Variants in TMEFF2 observed in about 807,000 individuals in gnomAD.
The protein encoded by TMEFF2 is transmembrane protein with EGF like and two follistatin like domains 2.
In TMEFF2, 28 loss-of-function variants were observed where a neutral mutation model predicts 53.8. The observed-to-expected ratio is 0.52, with a 90% CI of 0.39 to 0.71. The LOEUF (loss-of-function observed/expected upper bound fraction) is 0.71, where lower values mean the gene tolerates loss of function less well. Ranked by LOEUF, TMEFF2 falls within the 30% of genes least tolerant of loss-of-function variation. The pLI, the probability that TMEFF2 is intolerant of heterozygous loss-of-function variation, is 0.00. For synonymous variants in TMEFF2, 162 were observed against 166.3 expected (o/e 0.97, Z 0.20); for missense variants, 353 against 455.2 (o/e 0.78, Z 2.04).
chr2:192,117,673 C>A (rs776056319), intron 4 of TMEFF2, among the ~76,000 whole-genome samples: 36 of 152,036 alleles, frequency 2.4e-4, no homozygotes, highest in Non-Finnish European at 4.3e-4. Context: ...CCCCACCCCC[C>A]ACTTTTCTGC....
intron 7 of TMEFF2, among the ~76,000 whole-genome samples, chr2:191,975,481 T>C (rs975815125): frequency 6.6e-6 from 1 of 151,456 alleles, no homozygotes; most frequent in Non-Finnish European, 1.5e-5. Flanking sequence ...GGAAAATAGT[T>C]TCTCCAGTTC....
At chr2:192,014,622 T>G (rs1186437462) in intron 5 of TMEFF2, among the ~76,000 whole-genome samples, 2 of 152,234 alleles carry the variant, frequency 1.3e-5, no homozygotes, top group African/African-American at 4.8e-5. Flanking sequence ...CAGTTTCTTC[T>G]TTAGGCAATT....
At chr2:191,974,686 T>C (rs935775815) in intron 7 of TMEFF2, among the ~76,000 whole-genome samples, 1 of 152,176 alleles carries the variant, frequency 6.6e-6, no homozygotes, top group African/African-American at 2.4e-5. Context: ...TTTTTTTTAA[T>C]TGTAAGCTTA....
chr2:192,135,178 C>T (rs572349371), intron 4 of TMEFF2, among the ~76,000 whole-genome samples: 1 of 152,260 alleles, frequency 6.6e-6, no homozygotes, highest in South Asian at 2.1e-4. Context: ...TCATATATGC[C>T]CTGCTCTTGT....
chr2:192,189,559 A>AAAAAAAAAAAAAAAAAAG (rs1691409346), intron 2 of TMEFF2, among the ~76,000 whole-genome samples: 1 of 149,438 alleles, frequency 6.7e-6, no homozygotes, highest in Non-Finnish European at 1.5e-5. Flanking sequence ...AAATTCCAAA[A>AAAAAAAAAAAAAAAAAAG]AAAAAAAAAG....
chr2:192,172,350 T>C (rs1690936961), intron 4 of TMEFF2, among the ~76,000 whole-genome samples: 1 of 151,860 alleles, frequency 6.6e-6, no homozygotes. Flanking sequence ...CTGCATACCA[T>C]GCCAGGGTCA....
chr2:192,128,686 T>A (rs1689737217), intron 4 of TMEFF2, among the ~76,000 whole-genome samples: 1 of 152,192 alleles, frequency 6.6e-6, no homozygotes, highest in South Asian at 2.1e-4. Flanking sequence ...TATAATATGT[T>A]AATCTTTAAA....
intron 4 of TMEFF2, among the ~76,000 whole-genome samples, chr2:192,122,403 G>A (rs899465021): frequency 3.3e-5 from 5 of 152,204 alleles, no homozygotes; most frequent in Admixed American, 6.5e-5. Flanking sequence ...CTCTGCCAAT[G>A]TAGAAGCTTT....
chr2:192,018,945 A>G (rs1486491358), intron 5 of TMEFF2, among the ~76,000 whole-genome samples: 6 of 152,214 alleles, frequency 3.9e-5, no homozygotes, highest in African/African-American at 1.4e-4. Flanking sequence ...CCACAATCAT[A>G]TTAATATTAT....
intron 7 of TMEFF2, among the ~76,000 whole-genome samples, chr2:191,983,689 C>T (rs1685909721): frequency 6.6e-6 from 1 of 152,130 alleles, no homozygotes; most frequent in Non-Finnish European, 1.5e-5. Flanking sequence ...ACAAAAGTGA[C>T]AGCAAACTGT....
chr2:192,072,564 G>A (rs1012797747), intron 4 of TMEFF2, among the ~76,000 whole-genome samples: 24 of 88,198 alleles, frequency 2.7e-4, no homozygotes, highest in East Asian at 1.4e-3. Context: ...ATGCATATTC[G>A]TATTTTTAGA....
intron 4 of TMEFF2, among the ~76,000 whole-genome samples, chr2:192,116,092 T>C (rs999614907): frequency 1.3e-5 from 2 of 150,732 alleles, no homozygotes; most frequent in Non-Finnish European, 2.9e-5. Context: ...GAAGTGTCCA[T>C]CAACAGGTGA....
chr2:191,971,314 T>C (rs572562705), intron 7 of TMEFF2, among the ~76,000 whole-genome samples: 1 of 152,318 alleles, frequency 6.6e-6, no homozygotes, highest in East Asian at 1.9e-4. Flanking sequence ...AAGAAATCAA[T>C]AGGGGTTATA....
intron 4 of TMEFF2, among the ~76,000 whole-genome samples, chr2:192,090,097 T>C (rs1328471467): frequency 6.6e-6 from 1 of 152,154 alleles, no homozygotes; most frequent in Non-Finnish European, 1.5e-5. Context: ...AAATTAGAAA[T>C]GGTATATATT....
chr2:192,102,281 A>G (rs778634180), intron 4 of TMEFF2, among the ~76,000 whole-genome samples: 1 of 152,224 alleles, frequency 6.6e-6, no homozygotes, highest in Non-Finnish European at 1.5e-5. Context: ...AATAAAGGAC[A>G]TGCTTACAAG....
chr2:192,099,198 A>C (rs1337072423), intron 4 of TMEFF2, among the ~76,000 whole-genome samples: 1 of 152,054 alleles, frequency 6.6e-6, no homozygotes, highest in Non-Finnish European at 1.5e-5. Flanking sequence ...CTTTATAGTA[A>C]ACAAAATGTT....
chr2:192,047,685 C>CT (rs1384676337), intron 5 of TMEFF2, among the ~76,000 whole-genome samples: 2 of 152,152 alleles, frequency 1.3e-5, no homozygotes, highest in African/African-American at 2.4e-5. Context: ...TATTTATTGG[C>CT]TTTTTTCTGT....
intron 4 of TMEFF2, among the ~76,000 whole-genome samples, chr2:192,148,493 A>G (rs2105997707): frequency 6.6e-6 from 1 of 152,098 alleles, no homozygotes; most frequent in East Asian, 1.9e-4. Flanking sequence ...ACAACTGAAG[A>G]ACATCTCTGG....
intron 7 of TMEFF2, among the ~76,000 whole-genome samples, chr2:191,991,303 A>C (rs922108500): frequency 1.3e-5 from 2 of 152,140 alleles, no homozygotes; most frequent in Non-Finnish European, 2.9e-5. Flanking sequence ...AAAGGATAAT[A>C]TATGTATAAC....
Sources: allele counts gnomAD v4.1 joint callset (sites outside exome capture counted in the v4.1 genomes callset), GRCh38; gene constraint gnomAD v4.1.1; transcripts MANE v1.5; gene names NCBI Gene and HGNC (gene_info 2026-07-23, HGNC 2026-07-21).